ZHX2: variants seen among roughly 807,000 people sequenced by gnomAD.
ZHX2 encodes the protein zinc fingers and homeoboxes 2.
ZHX2 carries 6 observed loss-of-function variants against 21.9 expected under a neutral mutation model. The ratio of observed to expected loss-of-function variants is 0.27; its 90% CI spans 0.15 to 0.54. The LOEUF is 0.54. Ranked by LOEUF, ZHX2 falls within the 20% of genes least tolerant of loss-of-function variation. ZHX2 has a pLI of 0.95. For synonymous variants in ZHX2, 434 were observed against 437.1 expected (o/e 0.99, Z 0.09); for missense variants, 908 against 1,090.7 (o/e 0.83, Z 2.36).
chr8:122,824,970 A>G (rs13265755), intron 1 of ZHX2, among the ~76,000 whole-genome samples: 19,046 of 152,198 alleles, frequency 0.13, 1,387 homozygotes, highest in East Asian at 0.23. Context: ...CTCCAGCCGC[A>G]TCATTCCAAC....
Position 122,963,903 on chromosome 8 carries a change from T to G in ZHX2, c.*5-9339T>G, listed in dbSNP as rs553050637. ...TTGTTGTTTCTTTGTTTGTTTGTTTTTTTGCACCTGTTATAAAAATAGTTG... is the reference window on the plus strand; with the variant it reads ...TTGTTGTTTCTTTGTTTGTTTGTTTGTTTGCACCTGTTATAAAAATAGTTG... On this transcript the variant is annotated intron_variant, in intron 3 of 3. Coordinates refer to ENST00000314393, the MANE Select transcript of ZHX2 (RefSeq NM_014943.5). Among the ~76,000 whole-genome samples the G allele has an allele frequency of 2.4e-4, 37 of 152,208 alleles. No homozygotes were observed. The East Asian group carries it at 3.9e-3, about 16-fold the overall frequency.
intron 1 of ZHX2, among the ~76,000 whole-genome samples, chr8:122,809,955 G>T (rs1817894134): frequency 6.6e-6 from 1 of 152,110 alleles, no homozygotes; most frequent in Non-Finnish European, 1.5e-5. Context: ...TAGGGGGGGT[G>T]GAGGGCTACT....
intron 2 of ZHX2, among the ~76,000 whole-genome samples, chr8:122,935,931 C>T (rs1285742974): frequency 6.6e-6 from 1 of 152,014 alleles, no homozygotes; most frequent in African/African-American, 2.4e-5. Context: ...CTTTCTGTCT[C>T]CCCTCCTAGA....
chr8:122,839,719 G>A (rs1020729884), intron 1 of ZHX2, among the ~76,000 whole-genome samples: 2 of 152,094 alleles, frequency 1.3e-5, no homozygotes, highest in East Asian at 1.9e-4. Flanking sequence ...GCATGGGATC[G>A]TGGGGGGTTT....
At chr8:122,872,752 G>T (rs375540202) in intron 2 of ZHX2, among the ~76,000 whole-genome samples, 4 of 152,196 alleles carry the variant, frequency 2.6e-5, no homozygotes, top group Non-Finnish European at 5.9e-5. Context: ...ACAAAAAGGC[G>T]GTTCGTTCGT....
chr8:122,889,520 A>G (rs1819927398), intron 2 of ZHX2, among the ~76,000 whole-genome samples: 1 of 152,154 alleles, frequency 6.6e-6, no homozygotes, highest in Admixed American at 6.5e-5. Flanking sequence ...GGCCATATGA[A>G]TATCTTCTTT....
At chr8:122,796,968 TGCAG>T (rs1817624807) in intron 1 of ZHX2, among the ~76,000 whole-genome samples, 2 of 152,214 alleles carry the variant, frequency 1.3e-5, no homozygotes, top group Non-Finnish European at 2.9e-5. Flanking sequence ...ATCAGGCAGA[TGCAG>T]GCCGGCCAGG....
intron 2 of ZHX2, among the ~76,000 whole-genome samples, chr8:122,949,030 AG>A (rs1382273919): frequency 6.6e-6 from 1 of 152,232 alleles, no homozygotes; most frequent in Non-Finnish European, 1.5e-5. Flanking sequence ...CACAACTAAA[AG>A]GTAAGTGATA....
chr8:122,804,989 T>G (rs1381549630), intron 1 of ZHX2, among the ~76,000 whole-genome samples: 1 of 152,124 alleles, frequency 6.6e-6, no homozygotes, highest in African/African-American at 2.4e-5. Flanking sequence ...GTAGACTCAG[T>G]GTGTGTTCCT....
intron 2 of ZHX2, among the ~76,000 whole-genome samples, chr8:122,947,252 A>C (rs557352903): frequency 1.3e-5 from 2 of 150,822 alleles, no homozygotes; most frequent in Admixed American, 6.7e-5. Flanking sequence ...GCAACAGAGC[A>C]AGACCCCATC....
In ZHX2 at chr8:122,951,771, G is replaced by T. The variant is rs61752912; in HGVS notation, c.261G>T (p.Thr87=). ...GYECKYCPYS[T]QNLNEFTEHV... Reference sequence around the variant, plus strand: ...AGTGCAAATACTGCCCCTACTCCACGCAAAACCTGAACGAGTTCACGGAGC... The same window carrying T: ...AGTGCAAATACTGCCCCTACTCCACTCAAAACCTGAACGAGTTCACGGAGC... The change falls in exon 3 of 4, where the codon ACG becomes ACT. Residue 87 remains threonine (T), a synonymous_variant. Transcript: ENST00000314393. The T allele has an allele frequency of 6.2e-7, 1 of 1,613,882 alleles. No homozygotes were observed. Among genetic ancestry groups the T allele is most frequent in the Non-Finnish European group, 8.5e-7 (1 of 1,180,020 alleles).
rs1813126406 is a variant in ZHX2 at position 122,951,931 on chromosome 8, C to G, written c.421C>G (p.Leu141Val). The part of the protein sequence containing the change: ...KFHPGEANFK[L>V]KLIKRNNQTV... ...CCATCCCGGGGAGGCCAACTTCAAG[C>G]TGAAGTTAATTAAACGCAATAATCA... Residue 141 changes from leucine to valine, a missense_variant, in exon 3 of 4, where the codon CTG becomes GTG. Around this residue, in one of 4 missense-constraint regions of ZHX2, gnomAD observed 220 missense variants for 251.4 expected, o/e 0.88. Coordinates refer to ENST00000314393, the MANE Select transcript of ZHX2 (RefSeq NM_014943.5). The G allele has an allele frequency of 6.2e-7, 1 of 1,613,992 alleles. No individual in the cohort carries two copies. Among genetic ancestry groups the G allele is most frequent in the African/African-American group, 1.3e-5 (1 of 74,884 alleles).
At chr8:122,925,195 G>C (rs1334293427) in intron 2 of ZHX2, among the ~76,000 whole-genome samples, 5 of 152,230 alleles carry the variant, frequency 3.3e-5, no homozygotes, top group African/African-American at 1.2e-4. Context: ...TTGTTACACA[G>C]TTGTGGCATG....
chr8:122,790,328 A>G (rs1443991160), intron 1 of ZHX2, among the ~76,000 whole-genome samples: 3 of 152,176 alleles, frequency 2.0e-5, no homozygotes, highest in Non-Finnish European at 4.4e-5. Flanking sequence ...CTACAGTCTA[A>G]CTAAGGCCCT....
chr8:122,907,606 T>C (rs772137690), intron 2 of ZHX2, among the ~76,000 whole-genome samples: 1 of 152,186 alleles, frequency 6.6e-6, no homozygotes, highest in African/African-American at 2.4e-5. Flanking sequence ...CCCAGAGGTA[T>C]TGGACAAATG....
intron 1 of ZHX2, among the ~76,000 whole-genome samples, chr8:122,801,928 T>C (rs1306638482): frequency 1.3e-5 from 2 of 152,164 alleles, no homozygotes; most frequent in Non-Finnish European, 2.9e-5. Flanking sequence ...AGAAATTCCA[T>C]ATGCAGACAG....
chr8:122,828,697 C>T lies in ZHX2; in HGVS notation c.-282-34780C>T, dbSNP rs899880048. 6.6e-6 allele frequency among the ~76,000 whole-genome samples: 1 copy of T among 152,298 alleles called. No individual in the cohort carries two copies. The highest frequency in any genetic ancestry group is 1.5e-5 in the Non-Finnish European group (1 of 68,024). On this transcript the variant is annotated intron_variant, in intron 1 of 3. Transcript: ENST00000314393. This position sits in a 1 kb window ranked among gnomAD's most constrained non-coding sequence, Gnocchi z 5.2. ...GACTGCTCTGAGGGAATGAGTGGTTCATTTAATCGCAGGTGTGTTCCCACG... is the reference window on the plus strand; with the variant it reads ...GACTGCTCTGAGGGAATGAGTGGTTTATTTAATCGCAGGTGTGTTCCCACG...
chr8:122,904,783 A>G (rs1820308568), intron 2 of ZHX2, among the ~76,000 whole-genome samples: 1 of 152,232 alleles, frequency 6.6e-6, no homozygotes, highest in Non-Finnish European at 1.5e-5. Flanking sequence ...CATACCAAGA[A>G]CAAGGAAGAT....
chr8:122,885,885 G>T (rs1309899507), intron 2 of ZHX2, among the ~76,000 whole-genome samples: 5 of 152,104 alleles, frequency 3.3e-5, no homozygotes, highest in African/African-American at 1.2e-4. Flanking sequence ...TGGCCTAGTG[G>T]GCTCTGCTAG....
Sources: gnomAD v4.1 joint callset for allele counts (sites outside exome capture counted in the v4.1 genomes callset) on GRCh38, gnomAD v4.1.1 for gene constraint, gnomAD v4.1.1 regional missense constraint, Gnocchi (gnomAD v3.1) non-coding constraint, MANE v1.5 for transcripts, NCBI Gene and HGNC (gene_info 2026-07-23, HGNC 2026-07-21) for gene names.